Variants in EYA3 observed in about 807,000 individuals in gnomAD.
EYA3 encodes the protein protein phosphatase EYA3.
Under a neutral mutation model 80.0 loss-of-function variants are expected in EYA3, and 39 were observed. The ratio of observed to expected loss-of-function variants is 0.49; its 90% CI spans 0.38 to 0.64. The LOEUF (loss-of-function observed/expected upper bound fraction) is 0.64. EYA3 is among the 30% of genes least tolerant of loss of function. The probability of loss-of-function intolerance (pLI) is 0.00; values close to 1 mark genes in which losing one functional copy is unlikely to be tolerated. For missense variants in EYA3, 523 were observed against 676.1 expected (o/e 0.77, Z 2.51); for synonymous variants, 206 against 232.8 (o/e 0.88, Z 1.05).
chr1:27,982,117 G>A (rs1411569586), intron 16 of EYA3, among the ~76,000 whole-genome samples: 2 of 150,102 alleles, frequency 1.3e-5, no homozygotes, highest in Non-Finnish European at 3.0e-5. Flanking sequence ...AGCAATTCTC[G>A]TGCCTCAGCC....
At chr1:28,000,094 T>C in intron 11 of EYA3, 45 bp from the exon 12 acceptor site, 6 of 1,402,512 alleles carry the variant, frequency 4.3e-6, no homozygotes, top group Non-Finnish European at 5.9e-6. Flanking sequence ...GTAGTCACAG[T>C]CCTGGTTCTA....
intron 5 of EYA3, among the ~76,000 whole-genome samples, chr1:28,036,433 G>A (rs1643458441): frequency 6.6e-6 from 1 of 152,210 alleles, no homozygotes; most frequent in Non-Finnish European, 1.5e-5. Flanking sequence ...GAGAGGGAAA[G>A]TGAGACTGGA....
chr1:28,015,986 GA>G (rs1214395979), intron 8 of EYA3, among the ~76,000 whole-genome samples: 1 of 152,052 alleles, frequency 6.6e-6, no homozygotes, highest in African/African-American at 2.4e-5. Flanking sequence ...AGACATTAAA[GA>G]AAAAAATGTC....
chr1:27,997,585 T>C (rs1247425575), intron 12 of EYA3, among the ~76,000 whole-genome samples: 2 of 152,240 alleles, frequency 1.3e-5, no homozygotes, highest in African/African-American at 2.4e-5. Context: ...GTTCTGTAAC[T>C]ATCCCATCCC....
chr1:28,045,759 A>G (rs993469190), intron 3 of EYA3, among the ~76,000 whole-genome samples: 16 of 152,212 alleles, frequency 1.1e-4, no homozygotes, highest in Non-Finnish European at 1.6e-4. Flanking sequence ...TGAATACACC[A>G]TGAAAAAACA....
At chr1:27,977,486 T>A in intron 17 of EYA3, 1 of 1,190,796 alleles carries the variant, frequency 8.4e-7, no homozygotes, top group Non-Finnish European at 1.2e-6. Context: ...CAAATTCACA[T>A]AGCTGAGACA....
chr1:28,024,720 T>C (rs1642671041), intron 7 of EYA3, among the ~76,000 whole-genome samples: 1 of 152,158 alleles, frequency 6.6e-6, no homozygotes, highest in Admixed American at 6.6e-5. Context: ...ACTTGAATAT[T>C]ATTTAACCAA....
intron 1 of EYA3, among the ~76,000 whole-genome samples, chr1:28,073,855 A>C (rs890833836): frequency 1.3e-5 from 2 of 152,244 alleles, no homozygotes; most frequent in Admixed American, 6.5e-5. Context: ...GGATCTACTT[A>C]GATTTTTAGA....
chr1:28,048,501 G>C, intron 2 of EYA3, 75 bp from the exon 3 acceptor site: 1 of 1,095,682 alleles, frequency 9.1e-7, no homozygotes, highest in South Asian at 1.4e-5. Context: ...CAAACAACAG[G>C]CTATTAACTA....
intron 4 of EYA3, 41 bp from the exon 5 acceptor site, chr1:28,038,946 A>G (rs756592576): frequency 2.2e-6 from 3 of 1,382,738 alleles, no homozygotes; most frequent in Non-Finnish European, 3.0e-6. Context: ...AAGTTAGAAC[A>G]TTTCGAAAAT....
At chr1:28,085,753 G>C (rs1034783518) in intron 1 of EYA3, among the ~76,000 whole-genome samples, 1 of 150,160 alleles carries the variant, frequency 6.7e-6, no homozygotes, top group African/African-American at 2.4e-5. Context: ...ACATTAAGCT[G>C]TCTCTGGGTT....
Position 28,038,861 on chromosome 1 carries a change from T to C in EYA3, c.202A>G (p.Thr68Ala). 1 of 1,598,018 alleles carries C rather than the reference T, an allele frequency of 6.3e-7. No individual in the cohort carries two copies. Among genetic ancestry groups the C allele is most frequent in the Non-Finnish European group, 8.6e-7 (1 of 1,169,546 alleles). The change falls in exon 5 of 18, where the codon ACC (threonine) becomes GCC (alanine). Residue 68 changes from threonine (T) to alanine (A), a missense_variant. Physicochemically the swap from Thr to Ala is moderately conservative, Grantham distance 58. Transcript: ENST00000373871. ...DYIPRSSNDY[T>A]SQMYSAKPYA... is the part of the protein sequence containing the mutation. ...TACTTTGCAGAATACATTTGTGAGG[T>C]ATAATCATTGGATGAGCGAGGGATG...
intron 1 of EYA3, among the ~76,000 whole-genome samples, chr1:28,087,223 C>T (rs1018729900): frequency 2.0e-5 from 3 of 152,104 alleles, no homozygotes; most frequent in Non-Finnish European, 2.9e-5. Context: ...GAGCACTAAC[C>T]ATTATTAAAT....
At chr1:27,979,645 G>A (rs974291078) in intron 16 of EYA3, among the ~76,000 whole-genome samples, 4 of 152,106 alleles carry the variant, frequency 2.6e-5, no homozygotes, top group African/African-American at 9.7e-5. Context: ...TTATCTCCCT[G>A]CTTCTGCCAC....
chr1:28,022,340 G>A (rs1259908437), intron 7 of EYA3, among the ~76,000 whole-genome samples: 3 of 151,892 alleles, frequency 2.0e-5, no homozygotes, highest in Non-Finnish European at 4.4e-5. Context: ...AGTAGAGACA[G>A]GATTTCACCA....
chr1:27,985,842 A>G (rs1038226456), intron 16 of EYA3, among the ~76,000 whole-genome samples: 3 of 152,090 alleles, frequency 2.0e-5, no homozygotes, highest in Non-Finnish European at 2.9e-5. Context: ...TTGGCCTCCC[A>G]AAGTGCTGAG....
At chr1:28,019,091 G>A (rs543691407) in intron 7 of EYA3, among the ~76,000 whole-genome samples, 2 of 152,180 alleles carry the variant, frequency 1.3e-5, no homozygotes, top group South Asian at 2.1e-4. Flanking sequence ...ACTTAAACTC[G>A]GGAGGCAGAG....
intron 7 of EYA3, among the ~76,000 whole-genome samples, chr1:28,022,408 A>T (rs1642501699): frequency 6.6e-6 from 1 of 152,030 alleles, no homozygotes; most frequent in African/African-American, 2.4e-5. Flanking sequence ...TCCACCTCCC[A>T]AAGTGCTGGG....
chr1:28,026,382 G>A (rs1208592524), intron 7 of EYA3, among the ~76,000 whole-genome samples: 1 of 152,148 alleles, frequency 6.6e-6, no homozygotes, highest in Non-Finnish European at 1.5e-5. Context: ...TTGGGAAGCT[G>A]GGGTGGGAGG....
Sources: allele counts gnomAD v4.1 joint callset (sites outside exome capture counted in the v4.1 genomes callset), GRCh38; gene constraint gnomAD v4.1.1; transcripts MANE v1.5; gene names NCBI Gene and HGNC (gene_info 2026-07-23, HGNC 2026-07-21).